Variants in ERC1 observed in about 807,000 individuals in gnomAD.
ERC1 encodes RAB6 interacting protein 2.
Under a neutral mutation model 132.0 loss-of-function variants are expected in ERC1, and 56 were observed. That is an observed-to-expected ratio of 0.42 (90% CI 0.34 to 0.53). ERC1 has a LOEUF of 0.53. ERC1 is among the 20% of genes least tolerant of loss of function. The pLI is 0.03. For missense variants in ERC1, 1,202 were observed against 1,349.9 expected, an observed-to-expected ratio of 0.89 and a Z score of 1.72; for synonymous variants, 478 against 476.1, an observed-to-expected ratio of 1.00 and a Z score of -0.05.
chr12:1,278,222 A>G (rs1339217465), intron 14 of ERC1, among the ~76,000 whole-genome samples: 1 of 152,240 alleles, frequency 6.6e-6, no homozygotes, highest in African/African-American at 2.4e-5. Context: ...AGAAGTTGTT[A>G]AATGGCTGTA....
intron 2 of ERC1, among the ~76,000 whole-genome samples, chr12:1,050,600 T>C (rs1163426748): frequency 1.3e-5 from 2 of 152,204 alleles, no homozygotes; most frequent in Admixed American, 1.3e-4. Flanking sequence ...TCCCTATTCT[T>C]TGTTCTATTT....
chr12:1,194,620 T>C (rs1956049771), intron 12 of ERC1, among the ~76,000 whole-genome samples: 1 of 152,138 alleles, frequency 6.6e-6, no homozygotes, highest in Non-Finnish European at 1.5e-5. Flanking sequence ...TGCTTTTTAA[T>C]GTGCTTTGTT....
At chr12:1,049,468 G>T (rs1971566727) in intron 2 of ERC1, among the ~76,000 whole-genome samples, 1 of 152,112 alleles carries the variant, frequency 6.6e-6, no homozygotes, top group Admixed American at 6.5e-5. Flanking sequence ...TGATTTGATT[G>T]GGCTTGGGGG....
At chr12:1,332,904 CA>C (rs1206995949) in intron 15 of ERC1, among the ~76,000 whole-genome samples, 1 of 152,096 alleles carries the variant, frequency 6.6e-6, no homozygotes, top group East Asian at 1.9e-4. Flanking sequence ...ATTTTAAGTA[CA>C]GGGGTACATG....
intron 18 of ERC1, among the ~76,000 whole-genome samples, chr12:1,485,516 A>C (rs533483445): frequency 6.6e-6 from 1 of 151,908 alleles, no homozygotes; most frequent in African/African-American, 2.4e-5. Context: ...TTTAATTATT[A>C]ATGAAATTGG....
intron 15 of ERC1, among the ~76,000 whole-genome samples, chr12:1,341,115 G>T: frequency 2.9e-5 from 1 of 34,114 alleles, no homozygotes; most frequent in Non-Finnish European, 5.5e-5. Flanking sequence ...TTTTTTTGAG[G>T]CAGAGTCTTA....
chr12:1,400,096 T>G (rs1305234636), intron 16 of ERC1, among the ~76,000 whole-genome samples: 1 of 152,228 alleles, frequency 6.6e-6, no homozygotes, highest in African/African-American at 2.4e-5. Context: ...TATCTCATTA[T>G]GGGGTTTTGT....
chr12:1,334,775 T>G (rs1422584110), intron 15 of ERC1, among the ~76,000 whole-genome samples: 1 of 152,204 alleles, frequency 6.6e-6, no homozygotes, highest in Non-Finnish European at 1.5e-5. Context: ...AGAATGTCAT[T>G]GGTAGTTTGA....
intron 12 of ERC1, among the ~76,000 whole-genome samples, chr12:1,197,201 G>A (rs920103953): frequency 6.6e-5 from 10 of 151,684 alleles, no homozygotes; most frequent in African/African-American, 2.2e-4. Flanking sequence ...GGATGGTCTC[G>A]AACTCCTGGC....
intron 12 of ERC1, among the ~76,000 whole-genome samples, chr12:1,231,980 C>G (rs184623934): frequency 6.6e-6 from 1 of 152,178 alleles, no homozygotes; most frequent in Non-Finnish European, 1.5e-5. Context: ...ACCTCATGAT[C>G]CACCCACCTC....
chr12:1,305,962 T>C (rs999381296), intron 15 of ERC1, among the ~76,000 whole-genome samples: 10 of 152,226 alleles, frequency 6.6e-5, no homozygotes, highest in African/African-American at 2.4e-4. Context: ...AAAGATGTAC[T>C]TCCTGCTCTT....
rs571905592 is a variant in ERC1, at chr12:1,417,538, G to C, written c.3024+9291G>C. On this transcript the variant is annotated intron_variant, in intron 17 of 18. Coordinates refer to ENST00000360905, the MANE Select transcript of ERC1 (RefSeq NM_178040.4). ...CTCATACCTGTAATCCCAGCACTTTGGGAGACCCAGGCGGGCAGATCACCC... is the reference window on the plus strand; with the variant it reads ...CTCATACCTGTAATCCCAGCACTTTCGGAGACCCAGGCGGGCAGATCACCC... 2.6e-5 allele frequency among the ~76,000 whole-genome samples: 4 copies of C among 151,938 alleles called. No individual in the cohort carries two copies. The South Asian group carries it at 6.2e-4, about 24-fold the overall frequency.
intron 13 of ERC1, among the ~76,000 whole-genome samples, chr12:1,261,562 C>T (rs553053818): frequency 6.6e-6 from 1 of 152,280 alleles, no homozygotes; most frequent in Admixed American, 6.5e-5. Context: ...GGGCATCGTT[C>T]CTTGTCTCTG....
At chr12:1,128,560 TTTGAATCTTGG>T (rs1040559019) in intron 7 of ERC1, among the ~76,000 whole-genome samples, 110 of 152,096 alleles carry the variant, frequency 7.2e-4, no homozygotes, top group African/African-American at 2.5e-3. Flanking sequence ...GTACAGTGTG[TTTGAATCTTGG>T]GTCTGCCACT....
chr12:1,374,735 GT>G lies in ERC1; in HGVS notation c.2925+2760del, dbSNP rs1478241520. 2.6e-5 allele frequency among the ~76,000 whole-genome samples: 4 copies of G among 151,412 alleles called. 1 individual carries two copies. The highest frequency in any genetic ancestry group is 2.6e-4 in the Admixed American group (4 of 15,222). On this transcript the variant is annotated intron_variant, in intron 16 of 18. Coordinates refer to ENST00000360905, the MANE Select transcript of ERC1 (RefSeq NM_178040.4). The stretch of plus-strand genomic sequence containing the variant: ...CAGAATTTTACAACCTCCGTATTGT[GT>G]TGGTTGCTGGTGTGAAATCTGGCTC...
chr12:1,047,870 A>G lies in ERC1; in HGVS notation c.669+19298A>G, dbSNP rs1466515219. Reference sequence around the variant, plus strand: ...TTAGTAAGATTCTTTTTTTCAATCTATTTAATTGTTCTATGATTTTACCTT... The same window carrying G: ...TTAGTAAGATTCTTTTTTTCAATCTGTTTAATTGTTCTATGATTTTACCTT... On this transcript the variant is annotated intron_variant, in intron 2 of 18. Coordinates refer to ENST00000360905, the MANE Select transcript of ERC1 (RefSeq NM_178040.4). Among the ~76,000 whole-genome samples, 3 of 152,068 alleles carry G rather than the reference A, an allele frequency of 2.0e-5. No individual in the cohort carries two copies. In the South Asian group the frequency reaches 6.2e-4, roughly 32 times the overall value.
chr12:1,142,746 T>G (rs1332491441), intron 8 of ERC1, among the ~76,000 whole-genome samples: 1 of 152,252 alleles, frequency 6.6e-6, no homozygotes, highest in Non-Finnish European at 1.5e-5. Context: ...ACTTTTATAT[T>G]TAACATCCTT....
chr12:1,069,613 A>G (rs1327714294), intron 2 of ERC1, among the ~76,000 whole-genome samples: 2 of 152,228 alleles, frequency 1.3e-5, no homozygotes, highest in African/African-American at 4.8e-5. Flanking sequence ...CCTTATCTCC[A>G]GAATACTTAG....
intron 11 of ERC1, 48 bp downstream of exon 11, chr12:1,183,469 A>G (rs748862249): frequency 1.5e-6 from 2 of 1,365,068 alleles, no homozygotes; most frequent in Non-Finnish European, 2.0e-6. Flanking sequence ...AAATAAGAAC[A>G]TAGTAGATAA....
Sources: gnomAD v4.1 joint callset for allele counts (sites outside exome capture counted in the v4.1 genomes callset) on GRCh38, gnomAD v4.1.1 for gene constraint, MANE v1.5 for transcripts, NCBI Gene and HGNC (gene_info 2026-07-23, HGNC 2026-07-21) for gene names.